The following MAGI1 variants were observed in gnomAD, a reference collection of about 807,000 sequenced individuals.
MAGI1 encodes the protein membrane-associated guanylate kinase, WW and PDZ domain-containing protein 1.
In MAGI1, 58 loss-of-function variants were observed where a neutral mutation model predicts 139.9. The observed-to-expected ratio is 0.41, with a 90% CI of 0.34 to 0.52. The LOEUF (loss-of-function observed/expected upper bound fraction) is 0.52, where lower values mean the gene tolerates loss of function less well. Ranked by LOEUF, MAGI1 falls within the 20% of genes least tolerant of loss-of-function variation. The probability of loss-of-function intolerance (pLI) is 0.12; values close to 1 mark genes in which losing one functional copy is unlikely to be tolerated. For missense variants in MAGI1, 1,874 were observed against 1,901.6 expected, an observed-to-expected ratio of 0.99 and a Z score of 0.27; for synonymous variants, 812 against 737.9, an observed-to-expected ratio of 1.10 and a Z score of -1.63.
rs1279091637 is a variant in MAGI1, at chr3:65,358,437, C to T, written c.3635-1305G>A. The stretch of plus-strand genomic sequence containing the variant: ...AATTAACCTGTTTCATGACAACTTC[C>T]CAAAACCTAGAGTGGGTTTTTAACA... On this transcript the variant is annotated intron_variant, in intron 22 of 22. Coordinates refer to ENST00000402939, the MANE Select transcript of MAGI1 (RefSeq NM_001033057.2). Among the ~76,000 whole-genome samples, 4 of 152,106 alleles carry T rather than the reference C, an allele frequency of 2.6e-5. No homozygotes were observed. In the East Asian group the frequency reaches 7.7e-4, roughly 29 times the overall value.
intron 13 of MAGI1, among the ~76,000 whole-genome samples, chr3:65,400,117 G>C (rs2107098438): frequency 1.3e-5 from 2 of 152,250 alleles, no homozygotes; most frequent in East Asian, 3.9e-4. Context: ...ATGACCAAGG[G>C]ACAGGGAGAC....
chr3:65,884,909 G>C (rs1358116036), intron 1 of MAGI1, among the ~76,000 whole-genome samples: 1 of 152,102 alleles, frequency 6.6e-6, no homozygotes, highest in East Asian at 1.9e-4. Context: ...AAAACCTAAA[G>C]ATCTAAAACC....
chr3:66,003,449 T>C (rs1427962312), intron 1 of MAGI1, among the ~76,000 whole-genome samples: 3 of 151,626 alleles, frequency 2.0e-5, no homozygotes, highest in Non-Finnish European at 2.9e-5. Flanking sequence ...AGGTTAGGAG[T>C]TCGAGACCAG....
intron 2 of MAGI1, among the ~76,000 whole-genome samples, chr3:65,564,684 GGAAA>G (rs1390500647): frequency 6.6e-6 from 1 of 152,148 alleles, no homozygotes; most frequent in Non-Finnish European, 1.5e-5. Flanking sequence ...CAATAGCAAC[GGAAA>G]GATTTATTTG....
At chr3:65,776,778 CATTT>C in intron 1 of MAGI1, among the ~76,000 whole-genome samples, 1 of 151,730 alleles carries the variant, frequency 6.6e-6, no homozygotes, top group East Asian at 1.9e-4. Flanking sequence ...AGCTGAAAGA[CATTT>C]GTGTGATTTG....
In MAGI1 at chr3:66,038,529, C is replaced by G; in HGVS notation, c.-221G>C. ...TCCCCGCGAGCCCCGCACAGGCGCCCGCGAGCTTTGTTTGCATTCCGGTGC... is the reference window on the plus strand; with the variant it reads ...TCCCCGCGAGCCCCGCACAGGCGCCGGCGAGCTTTGTTTGCATTCCGGTGC... On this transcript the variant is annotated 5_prime_UTR_variant, in exon 1 of 23. Transcript: ENST00000402939. 1 of 576,810 alleles carries G rather than the reference C, an allele frequency of 1.7e-6. No individual in the cohort carries two copies. The highest frequency in any genetic ancestry group is 2.7e-6 in the Non-Finnish European group (1 of 364,330). The allele number at this position is 576,810 out of a possible 1,614,324, so 35.7% of individuals were successfully genotyped here. A position where few individuals can be genotyped will look rare whatever the true frequency, so the allele number is the denominator to read the frequency against.
intron 2 of MAGI1, among the ~76,000 whole-genome samples, chr3:65,576,194 T>G (rs1016451285): frequency 4.6e-5 from 7 of 152,164 alleles, no homozygotes; most frequent in Admixed American, 1.3e-4. Context: ...TTTTTAGCGG[T>G]TTTCTGTTTG....
chr3:65,548,043 C>T (rs2079587179), intron 2 of MAGI1, among the ~76,000 whole-genome samples: 1 of 152,144 alleles, frequency 6.6e-6, no homozygotes, highest in Admixed American at 6.5e-5. Flanking sequence ...CAAAGGTCTC[C>T]AATAACCTCC....
At chr3:65,783,803 C>CAAAAAAAA (rs71102879) in intron 1 of MAGI1, among the ~76,000 whole-genome samples, 1 of 129,794 alleles carries the variant, frequency 7.7e-6, no homozygotes, top group Non-Finnish European at 1.6e-5. Flanking sequence ...CAGCCTGTAC[C>CAAAAAAAA]AAAAAAAAAA....
chr3:65,974,969 C>A (rs2107215821), intron 1 of MAGI1, among the ~76,000 whole-genome samples: 1 of 152,178 alleles, frequency 6.6e-6, no homozygotes, highest in African/African-American at 2.4e-5. Context: ...ATCAAATCTT[C>A]TAAATTGCAA....
At chr3:65,716,484 C>T (rs1267833859) in intron 1 of MAGI1, among the ~76,000 whole-genome samples, 1 of 152,112 alleles carries the variant, frequency 6.6e-6, no homozygotes, top group Non-Finnish European at 1.5e-5. Flanking sequence ...GCAATTAGGC[C>T]GACACAAAGG....
At chr3:65,828,654 T>C (rs2042358830) in intron 1 of MAGI1, among the ~76,000 whole-genome samples, 1 of 152,212 alleles carries the variant, frequency 6.6e-6, no homozygotes, top group South Asian at 2.1e-4. Context: ...GATGTCCACG[T>C]TCTCATCTGC....
intron 1 of MAGI1, among the ~76,000 whole-genome samples, chr3:65,983,877 A>T (rs1243660581): frequency 6.6e-6 from 1 of 152,246 alleles, no homozygotes; most frequent in Non-Finnish European, 1.5e-5. Flanking sequence ...AGTACAGTTT[A>T]TAAGTTGGTG....
chr3:65,699,865 C>G (rs2089477410), intron 1 of MAGI1, among the ~76,000 whole-genome samples: 1 of 149,202 alleles, frequency 6.7e-6, no homozygotes, highest in Non-Finnish European at 1.5e-5. Flanking sequence ...TACCCTAAAA[C>G]TTAAAGTATA....
chr3:65,891,007 G>A (rs780417379), intron 1 of MAGI1, among the ~76,000 whole-genome samples: 2 of 152,086 alleles, frequency 1.3e-5, no homozygotes, highest in South Asian at 2.1e-4. Context: ...GAGGCCAGGA[G>A]TTCAAGACCA....
At chr3:65,540,164 G>A (rs1233807963) in intron 2 of MAGI1, among the ~76,000 whole-genome samples, 1 of 152,162 alleles carries the variant, frequency 6.6e-6, no homozygotes, top group Non-Finnish European at 1.5e-5. Flanking sequence ...TATGCTATAT[G>A]TTATGTTCAG....
intron 1 of MAGI1, among the ~76,000 whole-genome samples, chr3:65,909,543 A>G (rs867250284): frequency 1.3e-5 from 2 of 152,032 alleles, no homozygotes; most frequent in Non-Finnish European, 2.9e-5. Flanking sequence ...TCAAAAAATA[A>G]TAATTAGGCC....
intron 1 of MAGI1, among the ~76,000 whole-genome samples, chr3:65,643,816 A>G (rs2085112565): frequency 6.6e-6 from 1 of 152,200 alleles, no homozygotes; most frequent in Non-Finnish European, 1.5e-5. Flanking sequence ...CACCCACGCC[A>G]GCAATGATTG....
intron 1 of MAGI1, among the ~76,000 whole-genome samples, chr3:65,662,541 C>G (rs1266610221): frequency 6.6e-6 from 1 of 152,146 alleles, no homozygotes; most frequent in Non-Finnish European, 1.5e-5. Flanking sequence ...TTTGAGAGGT[C>G]AGTATGACAG....
Sources: allele counts gnomAD v4.1 joint callset (sites outside exome capture counted in the v4.1 genomes callset), GRCh38; gene constraint gnomAD v4.1.1; transcripts MANE v1.5; gene names NCBI Gene and HGNC (gene_info 2026-07-23, HGNC 2026-07-21).